ARHGAP26: variants seen among roughly 807,000 people sequenced by gnomAD.
ARHGAP26 encodes Rho GTPase activating protein 26.
Under a neutral mutation model 104.8 loss-of-function variants are expected in ARHGAP26, and 38 were observed. The observed-to-expected ratio is 0.36, with a 90% CI of 0.28 to 0.48. The LOEUF is 0.48. ARHGAP26 is among the 20% of genes least tolerant of loss of function. ARHGAP26 has a pLI of 0.99. For synonymous variants in ARHGAP26, 341 were observed against 340.0 expected (o/e 1.00, Z -0.03); for missense variants, 704 against 947.9 (o/e 0.74, Z 3.38).
intron 11 of ARHGAP26, among the ~76,000 whole-genome samples, chr5:143,004,502 A>G (rs1248295970): frequency 2.6e-5 from 4 of 152,154 alleles, no homozygotes; most frequent in African/African-American, 4.8e-5. Flanking sequence ...AATGCCCGGG[A>G]TGCCTTCTAG....
intron 19 of ARHGAP26, among the ~76,000 whole-genome samples, chr5:143,146,618 G>A (rs77533971): frequency 0.038 from 5,714 of 152,256 alleles, 391 homozygotes; most frequent in African/African-American, 0.13. Flanking sequence ...ATTACAGAGC[G>A]ATTTATCAAA....
In ARHGAP26 at chr5:143,056,378, G is replaced by A. The variant is rs185610059; in HGVS notation, c.1432+292G>A. Among the ~76,000 whole-genome samples the A allele has an allele frequency of 3.3e-3, 415 of 126,534 alleles. 5 individuals carry two copies. Among genetic ancestry groups the A allele is most frequent in the Non-Finnish European group, 2.6e-3 (162 of 62,428 alleles). 83.0% of individuals were successfully genotyped at this position (126,534 alleles called of 152,430 possible). On this transcript the variant is annotated intron_variant, in intron 16 of 22. Coordinates refer to ENST00000645722, the MANE Select transcript of ARHGAP26 (RefSeq NM_001135608.3). ...ATGTTGGAGGGATAGAGAAAAACAAGTTTGCCTTTCTAGTTTTGATTATTG... is the reference window on the plus strand; with the variant it reads ...ATGTTGGAGGGATAGAGAAAAACAAATTTGCCTTTCTAGTTTTGATTATTG...
intron 6 of ARHGAP26, among the ~76,000 whole-genome samples, chr5:142,899,334 G>C (rs978133605): frequency 6.6e-6 from 1 of 152,188 alleles, no homozygotes; most frequent in Non-Finnish European, 1.5e-5. Flanking sequence ...GAGTGATGCA[G>C]CCAGCATTAA....
intron 19 of ARHGAP26, among the ~76,000 whole-genome samples, chr5:143,140,512 A>G (rs1440432680): frequency 6.6e-6 from 1 of 152,204 alleles, no homozygotes; most frequent in East Asian, 1.9e-4. Flanking sequence ...TTGGGCCTAG[A>G]CCATAGTAAG....
intron 1 of ARHGAP26, among the ~76,000 whole-genome samples, chr5:142,818,166 TC>T (rs1765482919): frequency 6.6e-6 from 1 of 152,042 alleles, no homozygotes; most frequent in Admixed American, 6.6e-5. Context: ...TATCTTTCCT[TC>T]CACCGTGCCA....
chr5:143,204,503 G>A (rs745647616), intron 20 of ARHGAP26, among the ~76,000 whole-genome samples: 4 of 152,178 alleles, frequency 2.6e-5, no homozygotes, highest in African/African-American at 4.8e-5. Context: ...CAGCCTGGGC[G>A]ACAAGAGCAA....
intron 11 of ARHGAP26, among the ~76,000 whole-genome samples, chr5:142,939,960 T>A (rs1765996102): frequency 6.6e-6 from 1 of 152,242 alleles, no homozygotes; most frequent in African/African-American, 2.4e-5. Context: ...ATTACTTGAT[T>A]CACTTAGCTC....
At chr5:143,032,149 A>G in intron 12 of ARHGAP26, among the ~76,000 whole-genome samples, 1 of 152,230 alleles carries the variant, frequency 6.6e-6, no homozygotes, top group Non-Finnish European at 1.5e-5. Context: ...AGTTGAAATG[A>G]AAGTTAAGAG....
intron 11 of ARHGAP26, among the ~76,000 whole-genome samples, chr5:143,012,574 T>TACATATATATATATATATATAC (rs1420404412): frequency 6.8e-5 from 6 of 87,928 alleles, no homozygotes; most frequent in Non-Finnish European, 1.7e-4. Flanking sequence ...TATATATATA[T>TACATATATATATATATATATAC]ATTATGATCA....
At chr5:142,906,391 T>C (rs415235) in intron 8 of ARHGAP26, among the ~76,000 whole-genome samples, 65,282 of 152,118 alleles carry the variant, frequency 0.43, 17,505 homozygotes, top group East Asian at 0.86. Flanking sequence ...ATCTTTACTA[T>C]GATGGTTGCA....
At chr5:143,209,639 G>C (rs1436102764) in intron 21 of ARHGAP26, among the ~76,000 whole-genome samples, 1 of 152,108 alleles carries the variant, frequency 6.6e-6, no homozygotes, top group Admixed American at 6.5e-5. Flanking sequence ...AAATTAGCCA[G>C]GCATGGTGGT....
At chr5:143,092,170 GT>G (rs70991792) in intron 17 of ARHGAP26, among the ~76,000 whole-genome samples, 14 of 131,286 alleles carry the variant, frequency 1.1e-4, no homozygotes, top group African/African-American at 3.3e-4. Flanking sequence ...TTTTTTTTTT[GT>G]TTTTTTTTTT....
chr5:142,924,128 C>T (rs1176690439), intron 10 of ARHGAP26, among the ~76,000 whole-genome samples: 1 of 152,120 alleles, frequency 6.6e-6, no homozygotes, highest in Non-Finnish European at 1.5e-5. Flanking sequence ...TCCCAAAGTG[C>T]TGAGAGGATC....
At chr5:142,816,369 G>A (rs1002356766) in intron 1 of ARHGAP26, among the ~76,000 whole-genome samples, 3 of 152,228 alleles carry the variant, frequency 2.0e-5, no homozygotes, top group Admixed American at 2.0e-4. Context: ...GAAGGCTGCA[G>A]CGATAAAGCC....
intron 11 of ARHGAP26, among the ~76,000 whole-genome samples, chr5:142,949,221 G>GAGA (rs71576158): frequency 4.1e-4 from 4 of 9,774 alleles, no homozygotes; most frequent in South Asian, 2.9e-3. Flanking sequence ...GAGAGAGAGA[G>GAGA]GAGAGAGAGA....
chr5:143,109,470 T>A (rs548834949), intron 17 of ARHGAP26, among the ~76,000 whole-genome samples: 274 of 152,318 alleles, frequency 1.8e-3, no homozygotes, highest in Non-Finnish European at 3.4e-3. Context: ...TTGTATTTTT[T>A]TTTTTAGACA....
chr5:143,046,921 T>C (rs1784324894), intron 14 of ARHGAP26, among the ~76,000 whole-genome samples: 1 of 152,204 alleles, frequency 6.6e-6, no homozygotes, highest in South Asian at 2.1e-4. Context: ...GACATCAAAA[T>C]GTTATATTAT....
chr5:142,832,579 T>C (rs574830395), intron 1 of ARHGAP26, among the ~76,000 whole-genome samples: 16 of 152,380 alleles, frequency 1.1e-4, no homozygotes, highest in African/African-American at 3.4e-4. Context: ...CAAACACTTA[T>C]TTCAGGTCTT....
chr5:143,112,830 C>T (rs934838766), intron 17 of ARHGAP26, among the ~76,000 whole-genome samples: 11 of 152,150 alleles, frequency 7.2e-5, no homozygotes, highest in Admixed American at 3.3e-4. Context: ...ATTGTTTGTA[C>T]GTAACACATT....
Sources: gnomAD v4.1 joint callset for allele counts (sites outside exome capture counted in the v4.1 genomes callset) on GRCh38, gnomAD v4.1.1 for gene constraint, MANE v1.5 for transcripts, NCBI Gene and HGNC (gene_info 2026-07-23, HGNC 2026-07-21) for gene names.